BCAS3: variants seen among roughly 807,000 people sequenced by gnomAD.
BCAS3 encodes the protein BCAS3 microtubule associated cell migration factor, also known as BCAS4/BCAS3 fusion.
A neutral mutation model predicts 116.1 loss-of-function variants in BCAS3; 53 were observed. That is an observed-to-expected ratio of 0.46 (90% CI 0.37 to 0.57). The LOEUF (loss-of-function observed/expected upper bound fraction) is 0.57. Among genes scored for constraint, BCAS3 ranks in the 20% least tolerant of loss-of-function variants. The pLI, the probability that BCAS3 is intolerant of heterozygous loss-of-function variation, is 0.00. For synonymous variants in BCAS3, 391 were observed against 408.2 expected, an observed-to-expected ratio of 0.96 and a Z score of 0.51; for missense variants, 917 against 1,165.4, an observed-to-expected ratio of 0.79 and a Z score of 3.10.
chr17:61,192,600 T>TA, intron 22 of BCAS3, among the ~76,000 whole-genome samples: 1 of 152,308 alleles, frequency 6.6e-6, no homozygotes, highest in East Asian at 1.9e-4. Flanking sequence ...GCTGAGCTGA[T>TA]AAAAAAGATA....
intron 22 of BCAS3, among the ~76,000 whole-genome samples, chr17:61,183,092 C>T (rs1389588020): frequency 6.6e-6 from 1 of 152,194 alleles, no homozygotes; most frequent in Non-Finnish European, 1.5e-5. Context: ...TCCTCCTATT[C>T]TTCCTCCCAA....
intron 7 of BCAS3, among the ~76,000 whole-genome samples, chr17:60,847,582 A>G (rs1342013086): frequency 6.6e-6 from 1 of 152,174 alleles, no homozygotes; most frequent in African/African-American, 2.4e-5. Flanking sequence ...CATTATCCTA[A>G]TGACTAATGA....
intron 11 of BCAS3, among the ~76,000 whole-genome samples, chr17:60,909,304 C>T (rs2058360944): frequency 6.6e-6 from 1 of 152,136 alleles, no homozygotes; most frequent in Non-Finnish European, 1.5e-5. Context: ...CCTCTATACA[C>T]AACTGTCTTT....
chr17:61,094,289 G>A (rs1207218324), intron 22 of BCAS3, among the ~76,000 whole-genome samples: 2 of 152,274 alleles, frequency 1.3e-5, no homozygotes, highest in East Asian at 3.9e-4. Flanking sequence ...CACAGTAGTT[G>A]TCTTGAGGGA....
At chr17:60,810,841 G>T (rs1293193624) in intron 7 of BCAS3, 3 of 699,292 alleles carry the variant, frequency 4.3e-6, no homozygotes, top group Non-Finnish European at 7.9e-6. Flanking sequence ...AGTCCTACAA[G>T]CCCAGACTGC....
intron 14 of BCAS3, among the ~76,000 whole-genome samples, chr17:60,988,338 C>CTTTTTTTTTTTTTTTTTTTTT (rs71148317): frequency 1.3e-4 from 9 of 66,756 alleles, no homozygotes; most frequent in Non-Finnish European, 2.0e-4. Context: ...TTTTCTTTTT[C>CTTTTTTTTTTTTTTTTTTTTT]TTTTTTTTTT....
At chr17:60,781,072 G>A (rs552177210) in intron 6 of BCAS3, among the ~76,000 whole-genome samples, 1 of 151,948 alleles carries the variant, frequency 6.6e-6, no homozygotes, top group Admixed American at 6.5e-5. Flanking sequence ...GGGTTCAAGC[G>A]ATTCTTGTGC....
rs369668921 is a variant in BCAS3, at chr17:61,359,453, A to G, written c.2426-8874A>G. ...TAAGGTGAGATCAAGGAAACAATAG[A>G]AAAAAAAAAAAGCTCATTGGTTAAC... On this transcript the variant is annotated intron_variant, in intron 22 of 23. Transcript: ENST00000407086. Among the ~76,000 whole-genome samples, 356 of 146,184 alleles carry G rather than the reference A, an allele frequency of 2.4e-3. 3 individuals carry two copies. The highest frequency in any genetic ancestry group is 8.7e-3 in the African/African-American group (350 of 40,274).
chr17:60,684,001 A>G lies in BCAS3; in HGVS notation c.103A>G (p.Ser35Gly). Residue 35 changes from serine (S) to glycine (G), a missense_variant, in exon 3 of 24, where the codon AGT becomes GGT. Physicochemically the swap from Ser to Gly is moderately conservative, Grantham distance 56 (BLOSUM62 0). Transcript: ENST00000407086. ...TTCCAGAGAGCAGTCCTACATGGAA[A>G]GTGTTGTGACTTTTCTGCAGGATGT... is the stretch of plus-strand genomic sequence containing the variant. ...QAVTEQSYME[S>G]VVTFLQDVVP... The G allele has an allele frequency of 6.2e-7, 1 of 1,613,964 alleles. No individual in the cohort carries two copies. The highest frequency in any genetic ancestry group is 8.5e-7 in the Non-Finnish European group (1 of 1,179,956).
At chr17:61,001,946 A>G (rs2064272039) in intron 15 of BCAS3, among the ~76,000 whole-genome samples, 1 of 152,148 alleles carries the variant, frequency 6.6e-6, no homozygotes. Flanking sequence ...TGAAAACAAG[A>G]TGCTTTCATT....
chr17:61,238,724 T>C (rs2083260266), intron 22 of BCAS3, among the ~76,000 whole-genome samples: 1 of 152,146 alleles, frequency 6.6e-6, no homozygotes, highest in East Asian at 1.9e-4. Context: ...TTCACCGTAT[T>C]CTTATCCTCT....
intron 22 of BCAS3, among the ~76,000 whole-genome samples, chr17:61,114,062 G>T (rs367670652): frequency 8.1e-4 from 123 of 151,642 alleles, no homozygotes; most frequent in African/African-American, 2.5e-3. Flanking sequence ...AAACTCTCAA[G>T]AAATTAGGTA....
chr17:61,314,972 A>C (rs2054606690), intron 22 of BCAS3, among the ~76,000 whole-genome samples: 2 of 152,120 alleles, frequency 1.3e-5, no homozygotes, highest in South Asian at 4.1e-4. Context: ...GAATGCTCTT[A>C]GCAGTCACCG....
Position 60,964,514 on chromosome 17 carries a change from C to G in BCAS3, c.1221+17162C>G, listed in dbSNP as rs1323715566. 6.6e-6 allele frequency among the ~76,000 whole-genome samples: 1 copy of G among 151,914 alleles called. No homozygotes were observed. The highest frequency in any genetic ancestry group is 2.4e-5 in the African/African-American group (1 of 41,380). On this transcript the variant is annotated intron_variant, in intron 14 of 23. Transcript: ENST00000407086. This position sits in a 1 kb window ranked among gnomAD's most constrained non-coding sequence, Gnocchi z 4.6. ...AGTTTTCTTTTCTTGTTGTCGTGTC[C>G]TTATCTGATTTTACTGTCAAGGTAA...
chr17:60,775,756 A>G (rs931274578), intron 6 of BCAS3, among the ~76,000 whole-genome samples: 1 of 152,254 alleles, frequency 6.6e-6, no homozygotes. Flanking sequence ...ATTATAGGAT[A>G]CTGACTACCT....
chr17:60,689,089 T>C (rs2034468142), intron 3 of BCAS3: 2 of 152,262 alleles, frequency 1.3e-5, no homozygotes, highest in South Asian at 2.1e-4. Flanking sequence ...TGTTGACCAG[T>C]ATAGCGGATG....
intron 7 of BCAS3, among the ~76,000 whole-genome samples, chr17:60,862,303 A>C (rs186190244): frequency 6.6e-6 from 1 of 152,142 alleles, no homozygotes; most frequent in Non-Finnish European, 1.5e-5. Context: ...CAAACAAAAA[A>C]CAGAATGAGG....
Position 61,339,377 on chromosome 17 carries a change from C to T in BCAS3, c.2426-28950C>T, listed in dbSNP as rs186823196. On this transcript the variant is annotated intron_variant, in intron 22 of 23. Coordinates refer to ENST00000407086, the MANE Select transcript of BCAS3 (RefSeq NM_017679.5). This position sits in a 1 kb window ranked among gnomAD's most constrained non-coding sequence, Gnocchi z 4.4. Reference sequence around the variant, plus strand: ...GATACAATGGGAAGGCCCATGAAGCCGCCTAAAGGAGCTCAAACTAGCATT... The same window carrying T: ...GATACAATGGGAAGGCCCATGAAGCTGCCTAAAGGAGCTCAAACTAGCATT... Among the ~76,000 whole-genome samples the T allele has an allele frequency of 4.6e-4, 70 of 152,302 alleles. 1 individual carries two copies. In the East Asian group the frequency reaches 8.9e-3, roughly 19 times the overall value.
intron 10 of BCAS3, chr17:60,900,017 A>G (rs1446608215): frequency 6.6e-6 from 1 of 152,356 alleles, no homozygotes; most frequent in Non-Finnish European, 1.5e-5. Flanking sequence ...TAAGTTCAGC[A>G]TCAATATGGT....
Sources: allele counts gnomAD v4.1 joint callset (sites outside exome capture counted in the v4.1 genomes callset), GRCh38; gene constraint gnomAD v4.1.1; non-coding constraint Gnocchi (gnomAD v3.1); transcripts MANE v1.5; gene names NCBI Gene and HGNC (gene_info 2026-07-23, HGNC 2026-07-21).